ALG1L2: variants seen among roughly 807,000 people sequenced by gnomAD.
ALG1L2 encodes the protein ALG1 chitobiosyldiphosphodolichol beta-mannosyltransferase like 2, also known as putative glycosyltransferase ALG1L2.
In ALG1L2, 32 loss-of-function variants were observed where a neutral mutation model predicts 29.0. The observed-to-expected ratio is 1.10, with a 90% CI of 0.83 to 1.48. ALG1L2 has a LOEUF of 1.48. ALG1L2 is among the 40% of genes most tolerant of loss of function. The pLI, the probability that ALG1L2 is intolerant of heterozygous loss-of-function variation, is 0.00. For missense variants in ALG1L2, 318 were observed against 274.1 expected, an observed-to-expected ratio of 1.16 and a Z score of -1.13; for synonymous variants, 110 against 109.5, an observed-to-expected ratio of 1.00 and a Z score of -0.03.
chr3:130,084,493 G>A (rs1310956071), intron 1 of ALG1L2, among the ~76,000 whole-genome samples: 17 of 133,368 alleles, frequency 1.3e-4, no homozygotes, highest in Admixed American at 1.1e-3. Context: ...GAACCTCTCT[G>A]TGCTGCAGAC....
rs560763662 is a variant in ALG1L2 at position 130,096,126 on chromosome 3, A to G, written c.502A>G (p.Arg168Gly). The change falls in exon 6 of 8, where the codon AGG (arginine) becomes GGG (glycine). Residue 168 changes from arginine (R) to glycine (G), a missense_variant. Physicochemically the swap from Arg to Gly is moderately radical, Grantham distance 125. Transcript: ENST00000425059. ...GCCCATGAAGGTGGTGGACATGTTC[A>G]GGTGCTGTTTGCCTGCGTGTGCCGT... ...DLPMKVVDMF[R>G]CCLPACAVNF... 1.4e-4 allele frequency: 231 copies of G among 1,611,544 alleles called. No homozygotes were observed. The highest frequency in any genetic ancestry group is 1.1e-3 in the East Asian group (49 of 44,878).
At chr3:130,082,217 G>T (rs568939265) in intron 1 of ALG1L2, among the ~76,000 whole-genome samples, 181 bp downstream of exon 1, 15 of 147,846 alleles carry the variant, frequency 1.0e-4, no homozygotes, top group African/African-American at 3.6e-4. Flanking sequence ...GATGGAAATT[G>T]AGATGAATTC....
At chr3:130,082,736 C>G (rs1031112056) in intron 1 of ALG1L2, among the ~76,000 whole-genome samples, 1 of 148,872 alleles carries the variant, frequency 6.7e-6, no homozygotes. Context: ...CCCTTGCCAC[C>G]GCACTCCCCA....
rs777862674 is a variant in ALG1L2 at position 130,094,424 on chromosome 3, A to G, written c.335A>G (p.Tyr112Cys). ...GAAGGCAAAGGGCCTCTGAGGGAGT[A>G]TTACAGCCGCCTCATCCACCAGAAG... ...VITGKGPLRE[Y>C]YSRLIHQKHF... is the part of the protein sequence containing the mutation. Residue 112 changes from tyrosine to cysteine, a missense_variant, in exon 5 of 8, where the codon TAT (tyrosine) becomes TGT (cysteine). Physicochemically the swap from Tyr to Cys is radical, Grantham distance 194 (BLOSUM62 -2). Transcript: ENST00000425059. The G allele has an allele frequency of 2.6e-4, 408 of 1,596,092 alleles. No homozygotes were observed. The highest frequency in any genetic ancestry group is 3.3e-4 in the Non-Finnish European group (384 of 1,179,614).
At chr3:130,096,190 G>A in intron 6 of ALG1L2, 27 bp downstream of exon 6, 4 of 1,609,022 alleles carry the variant, frequency 2.5e-6, no homozygotes, top group Non-Finnish European at 3.4e-6. Flanking sequence ...AATTTTTTCT[G>A]GGGATAGCTT....
rs776380667 is a variant in ALG1L2 at position 130,093,175 on chromosome 3, C to A, written c.313+15C>A. 4.3e-6 allele frequency: 7 copies of A among 1,610,820 alleles called. No homozygotes were observed. Among genetic ancestry groups the A allele is most frequent in the Non-Finnish European group, 5.1e-6 (6 of 1,179,024 alleles). On this transcript the variant is annotated intron_variant, in intron 4 of 7. Transcript: ENST00000425059. The stretch of plus-strand genomic sequence containing the variant: ...TGTGATAACAGGTACTGCCTGGGAC[C>A]CTGGGTGTCTGTTTGGTTGGGGGAT...
chr3:130,092,191 A>G lies in ALG1L2; in HGVS notation c.222A>G (p.Pro74=), dbSNP rs750087888. Residue 74 remains proline, a synonymous_variant, in exon 3 of 8, where the codon CCA becomes CCG. Transcript: ENST00000425059. ...TGGTGACGCGTCTCCACGAGCGGCC[A>G]GCCCTGCTGGTCAGCAGCACAAGCT... is the stretch of plus-strand genomic sequence containing the variant. ...SGLVTRLHER[P]ALLVSSTSWT... 2 of 1,612,136 alleles carry G rather than the reference A, an allele frequency of 1.2e-6. No homozygotes were observed. The highest frequency in any genetic ancestry group is 1.7e-6 in the Non-Finnish European group (2 of 1,179,520).
intron 1 of ALG1L2, among the ~76,000 whole-genome samples, chr3:130,084,687 G>A (rs9883898): frequency 0.39 from 49,086 of 124,376 alleles, 15,351 homozygotes; most frequent in Middle Eastern, 0.46. Context: ...GAAATGCATC[G>A]TCTTACACCT....
chr3:130,094,897 C>T (rs934939827), intron 5 of ALG1L2, among the ~76,000 whole-genome samples: 1 of 152,186 alleles, frequency 6.6e-6, no homozygotes. Flanking sequence ...AGATGGTTCT[C>T]CTTTGCCTCC....
chr3:130,098,188 T>A, intron 7 of ALG1L2, 35 bp from the exon 8 acceptor site: 1 of 1,595,898 alleles, frequency 6.3e-7, no homozygotes. Context: ...TGGGATGGGG[T>A]GGGGACAGGC....
At chr3:130,084,503 C>A (rs1319154885) in intron 1 of ALG1L2, among the ~76,000 whole-genome samples, 3 of 132,452 alleles carry the variant, frequency 2.3e-5, no homozygotes, top group Non-Finnish European at 5.2e-5. Flanking sequence ...GTGCTGCAGA[C>A]ATCATGGATA....
At position 130,092,347 on chromosome 3, in the gene ALG1L2, G is replaced by A. The variant is rs189997091; in HGVS notation, c.253+125G>A. On this transcript the variant is annotated intron_variant, in intron 3 of 7. Coordinates refer to ENST00000425059, the MANE Select transcript of ALG1L2 (RefSeq NM_001136152.1). ...ACGGTCTCAGTGAGAAGGGGAGGGCGTGTGAGCTGGAAGAGTGGTGTCTAG... is the reference window on the plus strand; with the variant it reads ...ACGGTCTCAGTGAGAAGGGGAGGGCATGTGAGCTGGAAGAGTGGTGTCTAG... The A allele has an allele frequency of 1.2e-4, 189 of 1,596,722 alleles. 1 individual carries two copies. In the East Asian group the frequency reaches 2.0e-3, roughly 16 times the overall value.
Position 130,096,002 on chromosome 3 carries a change from C to T in ALG1L2, c.425-47C>T, listed in dbSNP as rs1193155025. 2.0e-6 allele frequency: 3 copies of T among 1,493,158 alleles called. No homozygotes were observed. The East Asian group carries it at 7.0e-5, about 35-fold the overall frequency. 92.5% of individuals were successfully genotyped at this position (1,493,158 alleles called of 1,614,324 possible). On this transcript the variant is annotated intron_variant, in intron 5 of 7. Coordinates refer to ENST00000425059, the MANE Select transcript of ALG1L2 (RefSeq NM_001136152.1). The stretch of plus-strand genomic sequence containing the variant: ...TCACTGTGCTGGGAGGATTTGTGTT[C>T]CCGGGGCAGAGACCAGCGCTCTGGC...
rs1440608779 is a variant in ALG1L2 at position 130,084,206 on chromosome 3, A to T, written c.20+2170A>T. Among the ~76,000 whole-genome samples the T allele has an allele frequency of 1.3e-5, 2 of 151,098 alleles. 1 individual carries two copies. Among genetic ancestry groups the T allele is most frequent in the Non-Finnish European group, 3.0e-5 (2 of 67,426 alleles). ...CTGGGTATGGTGGCTCACACCTGTA[A>T]TCCCAGCTACTCAGGCTGAGACAGT... On this transcript the variant is annotated intron_variant, in intron 1 of 7. Transcript: ENST00000425059.
chr3:130,098,122 G>A, intron 7 of ALG1L2, 101 bp from the exon 8 acceptor site: 2 of 1,503,516 alleles, frequency 1.3e-6, no homozygotes, highest in Admixed American at 1.9e-5. Flanking sequence ...AGGGAGCTAG[G>A]GACTTGGGAG....
At chr3:130,082,743 C>A (rs1390366603) in intron 1 of ALG1L2, among the ~76,000 whole-genome samples, 1 of 148,610 alleles carries the variant, frequency 6.7e-6, no homozygotes. Flanking sequence ...CACCGCACTC[C>A]CCATGGCGTG....
chr3:130,086,206 G>A (rs1028097399), intron 1 of ALG1L2, among the ~76,000 whole-genome samples: 2 of 151,168 alleles, frequency 1.3e-5, no homozygotes, highest in African/African-American at 4.8e-5. Flanking sequence ...AGCAGCTCAG[G>A]GGATGCCTTC....
chr3:130,098,288 AC>A lies in ALG1L2; in HGVS notation c.*35del, dbSNP rs750999667. ...GGCAAGCTAAACCAGTTCCGGAAGA[AC>A]CTGCGGGAGTCGCAGCAGCTCTGAT... On this transcript the variant is annotated 3_prime_UTR_variant, in exon 8 of 8. Transcript: ENST00000425059. 6.3e-7 allele frequency: 1 copy of A among 1,596,380 alleles called. No homozygotes were observed. The highest frequency in any genetic ancestry group is 1.1e-5 in the South Asian group (1 of 90,984).
Position 130,085,295 on chromosome 3 carries a change from C to A in ALG1L2, c.20+3259C>A, listed in dbSNP as rs375483477. On this transcript the variant is annotated intron_variant, in intron 1 of 7. Transcript: ENST00000425059. ...TTTTTTAATAGAGATGGGGGTCTTG[C>A]TATGTTGGCCAGGTTGGTCTTGAAC... Among the ~76,000 whole-genome samples the A allele has an allele frequency of 2.2e-4, 33 of 150,004 alleles. No individual in the cohort carries two copies. The South Asian group carries it at 5.3e-3, about 24-fold the overall frequency.
Sources: allele counts gnomAD v4.1 joint callset (sites outside exome capture counted in the v4.1 genomes callset), GRCh38; gene constraint gnomAD v4.1.1; transcripts MANE v1.5; gene names NCBI Gene and HGNC (gene_info 2026-07-23, HGNC 2026-07-21).